Variants in PRRG1 observed in about 807,000 individuals in gnomAD.
The protein encoded by PRRG1 is transmembrane gamma-carboxyglutamic acid protein 1.
A neutral mutation model predicts 11.8 loss-of-function variants in PRRG1; 5 were observed. The ratio of observed to expected loss-of-function variants is 0.42; its 90% CI spans 0.22 to 0.89. The LOEUF (loss-of-function observed/expected upper bound fraction) is 0.89, where lower values mean the gene tolerates loss of function less well. Among genes scored for constraint, PRRG1 ranks in the 40% least tolerant of loss-of-function variants. PRRG1 has a pLI of 0.28. For synonymous variants in PRRG1, 66 were observed against 60.4 expected (o/e 1.09, Z -0.43); for missense variants, 155 against 166.1 (o/e 0.93, Z 0.37).
chrX:37,419,491 G>C (rs1272031182), intron 2 of PRRG1, among the ~76,000 whole-genome samples: 1 of 111,878 alleles, frequency 8.9e-6, no homozygotes, highest in Non-Finnish European at 1.9e-5. Context: ...AATCATAAAA[G>C]TATATTGTAG....
intron 2 of PRRG1, among the ~76,000 whole-genome samples, chrX:37,408,379 G>A (rs781955277): frequency 3.6e-5 from 4 of 112,045 alleles, no homozygotes; most frequent in Non-Finnish European, 5.6e-5. Flanking sequence ...TAGGGCTCAG[G>A]GGATTGGTTT....
At position 37,454,485 on chromosome X, in the gene PRRG1, T is replaced by G. The variant is rs890361458; in HGVS notation, c.*864T>G. 4 of 112,131 alleles carry G rather than the reference T, an allele frequency of 3.6e-5. No homozygotes were observed. The highest frequency in any genetic ancestry group is 1.3e-4 in the African/African-American group (4 of 30,851). 9.2% of individuals were successfully genotyped at this position (112,131 alleles called of 1,213,427 possible). A position where few individuals can be genotyped will look rare whatever the true frequency, so the allele number is the denominator to read the frequency against. On this transcript the variant is annotated 3_prime_UTR_variant, in exon 4 of 4. Transcript: ENST00000378628. ...ACTCCTTTACTCATAGCTGGTAAAA[T>G]TATTCCCACTGTTTTATTGCCTTTT...
intron 2 of PRRG1, among the ~76,000 whole-genome samples, chrX:37,419,709 A>G (rs1556386340): frequency 9.0e-6 from 1 of 111,461 alleles, no homozygotes; most frequent in Non-Finnish European, 1.9e-5. Flanking sequence ...GCTAAGGCTC[A>G]TGTGTACAGA....
At chrX:37,437,947 C>G (rs868967838) in intron 3 of PRRG1, among the ~76,000 whole-genome samples, 1 of 107,335 alleles carries the variant, frequency 9.3e-6, no homozygotes, top group Non-Finnish European at 1.9e-5. Flanking sequence ...TTTTTTTTTT[C>G]TTTTTTGTTG....
chrX:37,360,058 G>A (rs1311686820), intron 1 of PRRG1, among the ~76,000 whole-genome samples: 3 of 110,465 alleles, frequency 2.7e-5, no homozygotes, highest in Non-Finnish European at 5.7e-5. Context: ...AATTACCCTG[G>A]CAAGTTTATT....
chrX:37,450,046 A>C (rs1556396140), intron 3 of PRRG1, among the ~76,000 whole-genome samples: 1 of 112,617 alleles, frequency 8.9e-6, no homozygotes, highest in South Asian at 3.7e-4. Context: ...TTTTATTCAG[A>C]TCATTGTTAC....
intron 3 of PRRG1, among the ~76,000 whole-genome samples, chrX:37,433,589 C>T (rs1480811996): frequency 9.2e-6 from 1 of 108,650 alleles, no homozygotes; most frequent in Non-Finnish European, 1.9e-5. Context: ...TAATTGTTAC[C>T]TCCCCCGCCC....
At chrX:37,357,065 T>C (rs1202213011) in intron 1 of PRRG1, among the ~76,000 whole-genome samples, 1 of 112,160 alleles carries the variant, frequency 8.9e-6, no homozygotes. Flanking sequence ...TTCTGCCTTT[T>C]CAACTGCCCT....
intron 3 of PRRG1, among the ~76,000 whole-genome samples, chrX:37,438,546 C>T (rs1442147296): frequency 9.5e-6 from 1 of 105,346 alleles, no homozygotes; most frequent in East Asian, 3.0e-4. Flanking sequence ...AAGTAATTCT[C>T]CTGCCTCAGC....
At position 37,391,386 on chromosome X, in the gene PRRG1, AG is replaced by A. The variant is rs201432220; in HGVS notation, c.-41-14822del. ...GTAAATACACAGTAAAGAAAGAAGC[AG>A]AAAAAAAAAATCAACTATTGGGAGA... On this transcript the variant is annotated intron_variant, in intron 1 of 3. Coordinates refer to ENST00000378628, the MANE Select transcript of PRRG1 (RefSeq NM_001142395.2). 9.5e-4 allele frequency among the ~76,000 whole-genome samples: 106 copies of A among 111,764 alleles called. 1 individual carries two copies. The South Asian group carries it at 0.037, about 39-fold the overall frequency.
chrX:37,432,149 G>A (rs1290269410), intron 3 of PRRG1, among the ~76,000 whole-genome samples: 1 of 106,415 alleles, frequency 9.4e-6, no homozygotes, highest in African/African-American at 3.5e-5. Context: ...GTGCAGTGGC[G>A]CAATCTCAGC....
chrX:37,360,797 GA>G (rs1233229198), intron 1 of PRRG1, among the ~76,000 whole-genome samples: 1 of 112,240 alleles, frequency 8.9e-6, no homozygotes, highest in Non-Finnish European at 1.9e-5. Flanking sequence ...ATGGCAAAGT[GA>G]TTTGGTTATC....
At chrX:37,400,811 A>G (rs1556380020) in intron 1 of PRRG1, among the ~76,000 whole-genome samples, 1 of 111,699 alleles carries the variant, frequency 9.0e-6, no homozygotes. Flanking sequence ...TATCACCACC[A>G]ATCCCACAGA....
chrX:37,393,318 A>G (rs1370642356), intron 1 of PRRG1, among the ~76,000 whole-genome samples: 3 of 108,767 alleles, frequency 2.8e-5, no homozygotes, highest in Non-Finnish European at 3.8e-5. Flanking sequence ...TTAATTTTAT[A>G]TTATATTTAA....
Position 37,361,115 on chromosome X carries a change from G to A in PRRG1, c.-42+11720G>A, listed in dbSNP as rs781954336. 1.3e-4 allele frequency among the ~76,000 whole-genome samples: 14 copies of A among 111,883 alleles called. No homozygotes were observed. In the South Asian group the frequency reaches 1.5e-3, roughly 12 times the overall value. ...CCCAGCACTTTGGGAGGCCAAGGCC[G>A]GCAGATCACGAGGTCAGGAGATCAA... On this transcript the variant is annotated intron_variant, in intron 1 of 3. Transcript: ENST00000378628.
At chrX:37,381,204 C>T (rs1931140850) in intron 1 of PRRG1, among the ~76,000 whole-genome samples, 1 of 111,467 alleles carries the variant, frequency 9.0e-6, no homozygotes, top group Admixed American at 9.6e-5. Flanking sequence ...ATGATCATTC[C>T]ACTAGGTATG....
intron 1 of PRRG1, among the ~76,000 whole-genome samples, chrX:37,360,473 C>T (rs1930376541): frequency 8.9e-6 from 1 of 112,159 alleles, no homozygotes; most frequent in Admixed American, 9.4e-5. Context: ...AGCTATCCTT[C>T]TGTAATTGTT....
At chrX:37,441,962 A>G (rs1932988794) in intron 3 of PRRG1, 3 of 768,777 alleles carry the variant, frequency 3.9e-6, no homozygotes, top group Non-Finnish European at 4.7e-6. Flanking sequence ...AAGGCCATCA[A>G]AAAGCTGGGT....
chrX:37,437,193 G>A (rs1415303543), intron 3 of PRRG1, among the ~76,000 whole-genome samples: 1 of 111,353 alleles, frequency 9.0e-6, no homozygotes, highest in Non-Finnish European at 1.9e-5. Context: ...CCATTTGTAG[G>A]TTATAAATTA....
Sources: gnomAD v4.1 joint callset for allele counts (sites outside exome capture counted in the v4.1 genomes callset) on GRCh38, gnomAD v4.1.1 for gene constraint, MANE v1.5 for transcripts, NCBI Gene and HGNC (gene_info 2026-07-23, HGNC 2026-07-21) for gene names.